Variants in PRICKLE1 observed in about 807,000 individuals in gnomAD.
PRICKLE1 encodes the protein prickle planar cell polarity protein 1.
PRICKLE1 carries 14 observed loss-of-function variants against 70.2 expected under a neutral mutation model. That is an observed-to-expected ratio of 0.20 (90% CI 0.13 to 0.31). PRICKLE1 has a LOEUF of 0.31. Among genes scored for constraint, PRICKLE1 ranks in the 10% least tolerant of loss-of-function variants. PRICKLE1 has a pLI of 1.00. For synonymous variants in PRICKLE1, 357 were observed against 379.9 expected (o/e 0.94, Z 0.70); for missense variants, 821 against 1,026.2 (o/e 0.80, Z 2.73).
In PRICKLE1 at chr12:42,461,069, C is replaced by T. The variant is rs146279644; in HGVS notation, c.1640-404G>A. Among the ~76,000 whole-genome samples, 257 of 152,166 alleles carry T rather than the reference C, an allele frequency of 1.7e-3. 3 individuals are homozygous for T. The highest frequency in any genetic ancestry group is 5.7e-3 in the African/African-American group (237 of 41,514). ...GCTACTTTTGTATTTTTAGTAAAGA[C>T]GGGGTTTCTCCATGTTGGTCAGGCT... On this transcript the variant is annotated intron_variant, in intron 7 of 7. Coordinates refer to ENST00000345127, the MANE Select transcript of PRICKLE1 (RefSeq NM_153026.3).
At chr12:42,542,243 T>G (rs369824584) in intron 1 of PRICKLE1, among the ~76,000 whole-genome samples, 19 of 148,942 alleles carry the variant, frequency 1.3e-4, no homozygotes, top group African/African-American at 4.7e-4. Context: ...TGGTCTTTGG[T>G]TTTTTTTTTA....
chr12:42,573,376 ATTC>A (rs1940754233), intron 1 of PRICKLE1, among the ~76,000 whole-genome samples: 1 of 152,140 alleles, frequency 6.6e-6, no homozygotes, highest in Non-Finnish European at 1.5e-5. Context: ...ACTCCTATTT[ATTC>A]TTCTCTTTAT....
At chr12:42,574,759 T>C (rs1406373958) in intron 1 of PRICKLE1, among the ~76,000 whole-genome samples, 1 of 152,246 alleles carries the variant, frequency 6.6e-6, no homozygotes, top group Non-Finnish European at 1.5e-5. Flanking sequence ...ACAGTATTTA[T>C]ACCGTTGTGG....
chr12:42,570,721 G>A (rs181545849), intron 1 of PRICKLE1, among the ~76,000 whole-genome samples: 254 of 152,314 alleles, frequency 1.7e-3, no homozygotes, highest in African/African-American at 5.7e-3. Flanking sequence ...TTGGGAGGCT[G>A]AGGCAGGAGA....
intron 1 of PRICKLE1, among the ~76,000 whole-genome samples, chr12:42,586,960 T>C (rs1191024170): frequency 6.6e-6 from 1 of 152,198 alleles, no homozygotes; most frequent in African/African-American, 2.4e-5. Flanking sequence ...AAGTTAAGAG[T>C]TCAGCTATTA....
intron 1 of PRICKLE1, among the ~76,000 whole-genome samples, chr12:42,572,305 G>A (rs1940729783): frequency 6.6e-6 from 1 of 151,608 alleles, no homozygotes; most frequent in Non-Finnish European, 1.5e-5. Context: ...GCATGGGGGC[G>A]GGCACCTGTA....
chr12:42,467,139 C>CA (rs1489352271), intron 5 of PRICKLE1, among the ~76,000 whole-genome samples: 1 of 151,708 alleles, frequency 6.6e-6, no homozygotes, highest in Non-Finnish European at 1.5e-5. Context: ...TTTTTTGAGA[C>CA]AGAGTCTCGC....
At chr12:42,575,434 C>T (rs1418052431) in intron 1 of PRICKLE1, among the ~76,000 whole-genome samples, 1 of 152,146 alleles carries the variant, frequency 6.6e-6, no homozygotes, top group Non-Finnish European at 1.5e-5. Flanking sequence ...GTGGCTCACG[C>T]CTGTAATCCC....
At chr12:42,574,724 A>G (rs1017346659) in intron 1 of PRICKLE1, among the ~76,000 whole-genome samples, 3 of 152,232 alleles carry the variant, frequency 2.0e-5, no homozygotes, top group Admixed American at 1.3e-4. Context: ...AAACAAACGA[A>G]TAAACATGAT....
At chr12:42,462,085 A>C (rs1937866105) in intron 7 of PRICKLE1, among the ~76,000 whole-genome samples, 1 of 152,170 alleles carries the variant, frequency 6.6e-6, no homozygotes, top group Non-Finnish European at 1.5e-5. Flanking sequence ...GGTGTGAGCC[A>C]CCGCGCCCGG....
intron 1 of PRICKLE1, among the ~76,000 whole-genome samples, chr12:42,476,191 T>C (rs1256987657): frequency 6.8e-6 from 1 of 147,968 alleles, no homozygotes; most frequent in African/African-American, 2.6e-5. Context: ...TTTTTCTTTT[T>C]TCTTTTTTTT....
At chr12:42,556,257 C>T (rs759297522) in intron 1 of PRICKLE1, among the ~76,000 whole-genome samples, 9 of 152,274 alleles carry the variant, frequency 5.9e-5, no homozygotes, top group East Asian at 1.9e-4. Context: ...CCAAGGATGA[C>T]GCCTCAAATG....
intron 1 of PRICKLE1, among the ~76,000 whole-genome samples, chr12:42,475,707 C>T (rs543103804): frequency 8.5e-5 from 13 of 152,222 alleles, no homozygotes; most frequent in African/African-American, 1.9e-4. Context: ...TATTCACTGA[C>T]GAAAGTTTTT....
intron 1 of PRICKLE1, among the ~76,000 whole-genome samples, chr12:42,532,682 G>C (rs1266969891): frequency 1.3e-5 from 2 of 152,112 alleles, no homozygotes; most frequent in African/African-American, 2.4e-5. Flanking sequence ...CGGATCACGA[G>C]GTCAGGAGAT....
chr12:42,465,061 C>G lies in PRICKLE1; in HGVS notation c.973G>C (p.Ala325Pro), dbSNP rs757632765. ...CTTCTTCGGGAGTCTCTTGATCGAG[C>G]TGACTGAAATGCAGAGTCGGAAGAA... ...SDSSDSAFQSARSRDSRRSVR... is the reference protein window; with the variant it reads ...SDSSDSAFQSPRSRDSRRSVR... The change falls in exon 7 of 8, where the codon GCT becomes CCT. Residue 325 changes from alanine to proline, a missense_variant. Ala to Pro is a conservative substitution (Grantham distance 27). Coordinates refer to ENST00000345127, the MANE Select transcript of PRICKLE1 (RefSeq NM_153026.3). 1.3e-6 allele frequency: 2 copies of G among 1,575,160 alleles called. No individual in the cohort carries two copies. Among genetic ancestry groups the G allele is most frequent in the Non-Finnish European group, 1.7e-6 (2 of 1,163,598 alleles).
Position 42,458,398 on chromosome 12 carries a change from C to G in PRICKLE1, c.*1411G>C, listed in dbSNP as rs1937654976. ...GTTTATTAAATGCCTCCCTAAAGGT[C>G]CTGGATGCCACTAGAACCTTTAGTT... On this transcript the variant is annotated 3_prime_UTR_variant, in exon 8 of 8. Coordinates refer to ENST00000345127, the MANE Select transcript of PRICKLE1 (RefSeq NM_153026.3). 6.6e-6 allele frequency: 1 copy of G among 152,168 alleles called. No homozygotes were observed. The highest frequency in any genetic ancestry group is 2.4e-5 in the African/African-American group (1 of 41,446). The allele number at this position is 152,168 out of a possible 1,614,324, so 9.4% of individuals were successfully genotyped here. A position where few individuals can be genotyped will look rare whatever the true frequency, so the allele number is the denominator to read the frequency against.
chr12:42,527,125 C>T (rs867328333), intron 1 of PRICKLE1, among the ~76,000 whole-genome samples: 2 of 102,690 alleles, frequency 1.9e-5, no homozygotes, highest in African/African-American at 7.6e-5. Context: ...TTTTTTTTTT[C>T]CTCTTTTTTT....
intron 1 of PRICKLE1, among the ~76,000 whole-genome samples, chr12:42,570,975 A>C (rs990606388): frequency 3.9e-5 from 6 of 152,226 alleles, no homozygotes; most frequent in Non-Finnish European, 8.8e-5. Context: ...TTATTTTTAC[A>C]AGCATTTACA....
chr12:42,477,144 G>A (rs1251570097), intron 1 of PRICKLE1, among the ~76,000 whole-genome samples: 1 of 151,832 alleles, frequency 6.6e-6, no homozygotes, highest in African/African-American at 2.4e-5. Context: ...AGGCCAAGGC[G>A]GGTGGATCAC....
Sources: allele counts gnomAD v4.1 joint callset (sites outside exome capture counted in the v4.1 genomes callset), GRCh38; gene constraint gnomAD v4.1.1; transcripts MANE v1.5; gene names NCBI Gene and HGNC (gene_info 2026-07-23, HGNC 2026-07-21).